The following SPATA17 variants were observed in gnomAD, a reference collection of about 807,000 sequenced individuals.
SPATA17 encodes spermatogenesis associated 17.
In SPATA17, 53 loss-of-function variants were observed where a neutral mutation model predicts 62.2. The ratio of observed to expected loss-of-function variants is 0.85; its 90% CI spans 0.68 to 1.07. SPATA17 has a LOEUF of 1.07. Among genes scored for constraint, SPATA17 ranks in the 50% least tolerant of loss-of-function variants. The pLI is 0.00. For synonymous variants in SPATA17, 146 were observed against 146.8 expected (o/e 0.99, Z 0.04); for missense variants, 466 against 425.5 (o/e 1.10, Z -0.84).
At chr1:217,668,106 A>G (rs923627158) in intron 3 of SPATA17, among the ~76,000 whole-genome samples, 1 of 152,122 alleles carries the variant, frequency 6.6e-6, no homozygotes, top group Non-Finnish European at 1.5e-5. Flanking sequence ...TGCCTGAAAC[A>G]TAACAATTAT....
chr1:217,685,021 C>T (rs1671185498), intron 5 of SPATA17, among the ~76,000 whole-genome samples: 1 of 151,974 alleles, frequency 6.6e-6, no homozygotes, highest in Non-Finnish European at 1.5e-5. Flanking sequence ...TCATAGGGGA[C>T]TGCTGTTTAA....
chr1:217,650,548 C>G (rs1670285926), intron 2 of SPATA17, among the ~76,000 whole-genome samples: 1 of 151,952 alleles, frequency 6.6e-6, no homozygotes, highest in South Asian at 2.1e-4. Flanking sequence ...TCCAGAATAG[C>G]CAGGACTACA....
chr1:217,779,903 G>A (rs1045481688), intron 7 of SPATA17, among the ~76,000 whole-genome samples: 5 of 151,988 alleles, frequency 3.3e-5, no homozygotes, highest in African/African-American at 1.2e-4. Flanking sequence ...GGAAAATACA[G>A]CAGAACATAA....
chr1:217,666,695 C>G (rs1263849562), intron 3 of SPATA17, among the ~76,000 whole-genome samples: 3 of 152,166 alleles, frequency 2.0e-5, no homozygotes, highest in Non-Finnish European at 2.9e-5. Context: ...CAAATTGAAA[C>G]TCTGTACATG....
At chr1:217,702,003 ATACT>A (rs1304147548) in intron 5 of SPATA17, among the ~76,000 whole-genome samples, 1 of 150,072 alleles carries the variant, frequency 6.7e-6, no homozygotes, top group African/African-American at 2.5e-5. Context: ...AATATTACAA[ATACT>A]TAGAGGCAAT....
chr1:217,859,038 TAAATA>T (rs956491191), intron 9 of SPATA17, among the ~76,000 whole-genome samples: 6 of 149,430 alleles, frequency 4.0e-5, no homozygotes, highest in East Asian at 1.9e-4. Flanking sequence ...AAAAAATAAA[TAAATA>T]AAATAAAATA....
chr1:217,730,866 A>T (rs372499070), intron 5 of SPATA17, among the ~76,000 whole-genome samples: 6 of 152,276 alleles, frequency 3.9e-5, no homozygotes, highest in African/African-American at 1.4e-4. Context: ...TCTCAGATGC[A>T]GATGCTTGAT....
At position 217,683,309 on chromosome 1, in the gene SPATA17, T is replaced by C; in HGVS notation, c.343T>C (p.Tyr115His). 6.2e-7 allele frequency: 1 copy of C among 1,610,344 alleles called. No individual in the cohort carries two copies. The highest frequency in any genetic ancestry group is 1.7e-4 in the Middle Eastern group (1 of 6,046). The change falls in exon 5 of 11, where the codon TAT becomes CAT. Residue 115 changes from tyrosine (Y) to histidine (H), a missense_variant. Coordinates refer to ENST00000366933, the MANE Select transcript of SPATA17 (RefSeq NM_138796.4). Reference sequence around the variant, plus strand: ...GGTTCGGAAGTACCTCTTTAATTATTATTATTTGAAAGAGTACCTGAAAGT... The same window carrying C: ...GGTTCGGAAGTACCTCTTTAATTATCATTATTTGAAAGAGTACCTGAAAGT... ...YRVRKYLFNYYYLKEYLKVVS... is the reference protein window; with the variant it reads ...YRVRKYLFNYHYLKEYLKVVS...
At chr1:217,835,330 C>T (rs1222817710) in intron 9 of SPATA17, among the ~76,000 whole-genome samples, 1 of 152,048 alleles carries the variant, frequency 6.6e-6, no homozygotes, top group African/African-American at 2.4e-5. Context: ...ATTTTAGGGA[C>T]CTTGAAGCTG....
At position 217,807,946 on chromosome 1, in the gene SPATA17, CCAGT is replaced by C. The variant is rs1319067017; in HGVS notation, c.1005+6099_1005+6102del. On this transcript the variant is annotated intron_variant, in intron 9 of 10. Coordinates refer to ENST00000366933, the MANE Select transcript of SPATA17 (RefSeq NM_138796.4). ...AAAGTCAGATTAACAAGAGAAAAAC[CCAGT>C]CAAAGTGTATTAACACATGCCATAC... is the stretch of plus-strand genomic sequence containing the variant. Among the ~76,000 whole-genome samples, 3 of 152,156 alleles carry C rather than the reference CCAGT, an allele frequency of 2.0e-5. No homozygotes were observed. In the East Asian group the frequency reaches 5.8e-4, roughly 29 times the overall value.
intron 8 of SPATA17, among the ~76,000 whole-genome samples, chr1:217,795,425 A>G (rs1048823922): frequency 8.5e-5 from 11 of 129,576 alleles, no homozygotes; most frequent in Middle Eastern, 5.1e-3. Flanking sequence ...GCTGGGGTGC[A>G]GTGGTGTGAT....
intron 5 of SPATA17, among the ~76,000 whole-genome samples, chr1:217,728,719 ACTGT>A (rs1157344203): frequency 1.3e-5 from 2 of 152,130 alleles, no homozygotes; most frequent in African/African-American, 4.8e-5. Flanking sequence ...AAATAGGTAA[ACTGT>A]CAGGTAGCTT....
intron 9 of SPATA17, among the ~76,000 whole-genome samples, chr1:217,820,240 G>A (rs1674826083): frequency 6.6e-6 from 1 of 152,014 alleles, no homozygotes; most frequent in South Asian, 2.1e-4. Context: ...GGCTAGGAGA[G>A]TTAAAAGGTT....
At chr1:217,727,830 A>AGT (rs1466799258) in intron 5 of SPATA17, among the ~76,000 whole-genome samples, 1 of 152,190 alleles carries the variant, frequency 6.6e-6, no homozygotes, top group Non-Finnish European at 1.5e-5. Context: ...ACCAATGAAT[A>AGT]GTTTCGTATC....
At chr1:217,689,128 C>T (rs1671290694) in intron 5 of SPATA17, among the ~76,000 whole-genome samples, 1 of 151,050 alleles carries the variant, frequency 6.6e-6, no homozygotes, top group African/African-American at 2.4e-5. Context: ...CAATGATTAA[C>T]ACGGTAGATT....
In SPATA17 at chr1:217,774,510, A is replaced by T; in HGVS notation, c.696A>T (p.Leu232=). ...GTTCTTTTCCTCGGTCTGAAATTCTACCACCTATTAATAGAAAGCAATGTC... is the reference window on the plus strand; with the variant it reads ...GTTCTTTTCCTCGGTCTGAAATTCTTCCACCTATTAATAGAAAGCAATGTC... ...SARSFPRSEI[L]PPINRKQCQG... The change falls in exon 7 of 11, where the codon CTA becomes CTT. Residue 232 remains leucine, a synonymous_variant. Coordinates refer to ENST00000366933, the MANE Select transcript of SPATA17 (RefSeq NM_138796.4). 1 of 1,613,894 alleles carries T rather than the reference A, an allele frequency of 6.2e-7. No homozygotes were observed.
intron 9 of SPATA17, among the ~76,000 whole-genome samples, chr1:217,848,590 C>T (rs911791990): frequency 1.3e-5 from 2 of 152,132 alleles, no homozygotes; most frequent in African/African-American, 4.8e-5. Context: ...AGTTTCTCCA[C>T]ACCCTGTAAA....
At chr1:217,794,960 C>T (rs546259751) in intron 8 of SPATA17, among the ~76,000 whole-genome samples, 1 of 152,170 alleles carries the variant, frequency 6.6e-6, no homozygotes, top group East Asian at 1.9e-4. Context: ...ACAAGTCAAG[C>T]CAAAAAATGA....
intron 9 of SPATA17, among the ~76,000 whole-genome samples, chr1:217,820,982 G>A (rs568483937): frequency 2.6e-4 from 40 of 152,192 alleles, no homozygotes; most frequent in South Asian, 2.5e-3. Context: ...TAAGGGCAAA[G>A]CAGGCATGTG....
Sources: allele counts gnomAD v4.1 joint callset (sites outside exome capture counted in the v4.1 genomes callset), GRCh38; gene constraint gnomAD v4.1.1; transcripts MANE v1.5; gene names NCBI Gene and HGNC (gene_info 2026-07-23, HGNC 2026-07-21).